MAP4K4: variants seen among roughly 807,000 people sequenced by gnomAD.
MAP4K4 encodes mitogen-activated protein kinase kinase kinase kinase 4.
A neutral mutation model predicts 189.6 loss-of-function variants in MAP4K4; 38 were observed. The observed-to-expected ratio is 0.20, with a 90% CI of 0.15 to 0.26. MAP4K4 has a LOEUF of 0.26. Ranked by LOEUF, MAP4K4 falls within the 10% of genes least tolerant of loss-of-function variation. MAP4K4 has a pLI of 1.00. For synonymous variants in MAP4K4, 610 were observed against 624.3 expected, an observed-to-expected ratio of 0.98 and a Z score of 0.34; for missense variants, 1,054 against 1,726.9, an observed-to-expected ratio of 0.61 and a Z score of 6.91.
chr2:101,783,738 C>T (rs1057400889), intron 2 of MAP4K4, among the ~76,000 whole-genome samples: 2 of 152,232 alleles, frequency 1.3e-5, no homozygotes, highest in African/African-American at 2.4e-5. Context: ...AGAAACAAAG[C>T]TTCCCAGTTG....
chr2:101,746,101 C>T (rs1203314261), intron 2 of MAP4K4, among the ~76,000 whole-genome samples: 2 of 151,738 alleles, frequency 1.3e-5, no homozygotes, highest in Non-Finnish European at 1.5e-5. Flanking sequence ...AGTGATCTCC[C>T]ACTTCACCCT....
At chr2:101,843,991 A>AG in intron 11 of MAP4K4, 110 bp from the exon 12 acceptor site, 1 of 694,874 alleles carries the variant, frequency 1.4e-6, no homozygotes, top group South Asian at 1.9e-5. Context: ...CTGGAGTCAG[A>AG]GGAACTCAGA....
chr2:101,826,109 T>C (rs528572095), intron 5 of MAP4K4, among the ~76,000 whole-genome samples: 1 of 152,220 alleles, frequency 6.6e-6, no homozygotes, highest in South Asian at 2.1e-4. Context: ...CTCTACTTCA[T>C]CCCTGAATTA....
At chr2:101,719,740 G>C (rs530870441) in intron 2 of MAP4K4, among the ~76,000 whole-genome samples, 4 of 152,334 alleles carry the variant, frequency 2.6e-5, no homozygotes, top group African/African-American at 9.6e-5. Context: ...GGCCAGGCGT[G>C]GTGGCTCACG....
intron 2 of MAP4K4, among the ~76,000 whole-genome samples, chr2:101,754,029 A>G (rs905244118): frequency 6.6e-6 from 1 of 152,132 alleles, no homozygotes; most frequent in African/African-American, 2.4e-5. Flanking sequence ...CAAGCCGAAT[A>G]TGGCATTTGG....
intron 3 of MAP4K4, among the ~76,000 whole-genome samples, chr2:101,810,377 A>G (rs1405993490): frequency 6.6e-6 from 1 of 152,174 alleles, no homozygotes; most frequent in Non-Finnish European, 1.5e-5. Flanking sequence ...TGCATTATAT[A>G]TTATGAATTT....
chr2:101,783,653 T>G (rs1041530975), intron 2 of MAP4K4, among the ~76,000 whole-genome samples: 3 of 152,152 alleles, frequency 2.0e-5, no homozygotes, highest in African/African-American at 7.2e-5. Flanking sequence ...TTACCCCCAG[T>G]AAATCTCTTA....
intron 2 of MAP4K4, among the ~76,000 whole-genome samples, chr2:101,777,864 A>G (rs1369556494): frequency 1.3e-5 from 2 of 152,216 alleles, no homozygotes; most frequent in African/African-American, 4.8e-5. Context: ...TAAGATGGCC[A>G]CACTTGCAAG....
intron 2 of MAP4K4, among the ~76,000 whole-genome samples, chr2:101,790,070 A>T (rs968748402): frequency 6.6e-6 from 1 of 152,128 alleles, no homozygotes; most frequent in African/African-American, 2.4e-5. Flanking sequence ...TAAAAAAAGA[A>T]TTTGTTTGAT....
At chr2:101,735,368 G>T (rs548811772) in intron 2 of MAP4K4, among the ~76,000 whole-genome samples, 1 of 152,324 alleles carries the variant, frequency 6.6e-6, no homozygotes, top group Admixed American at 6.5e-5. Flanking sequence ...GCTGGAAGTT[G>T]TCAGAGGGCC....
intron 22 of MAP4K4, 135 bp from the exon 23 acceptor site, chr2:101,870,160 C>A: frequency 2.4e-6 from 2 of 830,004 alleles, no homozygotes; most frequent in Non-Finnish European, 3.7e-6. Flanking sequence ...GAAAGCTAAG[C>A]AGTTGCTTTT....
At chr2:101,742,321 T>C (rs2063193255) in intron 2 of MAP4K4, among the ~76,000 whole-genome samples, 1 of 152,172 alleles carries the variant, frequency 6.6e-6, no homozygotes. Context: ...TACTGAAAGC[T>C]CATTGGTAAC....
At chr2:101,843,275 C>A (rs984244768) in intron 11 of MAP4K4, among the ~76,000 whole-genome samples, 1 of 152,088 alleles carries the variant, frequency 6.6e-6, no homozygotes, top group African/African-American at 2.4e-5. Context: ...ATGAAGTGAA[C>A]AAAGGGAGGG....
chr2:101,759,601 A>C (rs1222774065), intron 2 of MAP4K4, among the ~76,000 whole-genome samples: 1 of 5,512 alleles, frequency 1.8e-4, no homozygotes, highest in Non-Finnish European at 2.7e-4. Flanking sequence ...TCACCTCCCC[A>C]TTCCCCTTCC....
intron 2 of MAP4K4, among the ~76,000 whole-genome samples, chr2:101,759,688 C>CCCACTCCGCTCCCCATT (rs2075242855): frequency 4.9e-5 from 2 of 41,124 alleles, no homozygotes; most frequent in Non-Finnish European, 1.0e-4. Flanking sequence ...CCATTCCCCT[C>CCCACTCCGCTCCCCATT]CCCCTCCCCT....
intron 2 of MAP4K4, among the ~76,000 whole-genome samples, chr2:101,732,852 G>T (rs1347181115): frequency 6.6e-6 from 1 of 152,286 alleles, no homozygotes. Context: ...CTCCCGAAGT[G>T]TTGGGATTAC....
chr2:101,706,624 A>G (rs1032542675), intron 2 of MAP4K4, among the ~76,000 whole-genome samples: 7 of 152,180 alleles, frequency 4.6e-5, no homozygotes, highest in African/African-American at 1.7e-4. Flanking sequence ...CAGATAATTT[A>G]TTGTTGCAAG....
At chr2:101,709,613 C>G (rs116100532) in intron 2 of MAP4K4, among the ~76,000 whole-genome samples, 8,961 of 152,084 alleles carry the variant, frequency 0.059, 462 homozygotes, top group Non-Finnish European at 0.081. Flanking sequence ...ACTAGTTTTT[C>G]CTTCTATTTT....
At chr2:101,698,395 C>A in intron 1 of MAP4K4, 78 bp from the exon 2 acceptor site, 1 of 1,329,726 alleles carries the variant, frequency 7.5e-7, no homozygotes, top group Non-Finnish European at 1.1e-6. Context: ...ACCGCCTTTT[C>A]TCTCCAACTG....
Sources: allele counts gnomAD v4.1 joint callset (sites outside exome capture counted in the v4.1 genomes callset), GRCh38; gene constraint gnomAD v4.1.1; transcripts MANE v1.5; gene names NCBI Gene and HGNC (gene_info 2026-07-23, HGNC 2026-07-21).